The following METTL24 variants were observed in gnomAD, a reference collection of about 807,000 sequenced individuals.
METTL24 encodes methyltransferase like 24, also known as probable methyltransferase-like protein 24.
METTL24 carries 29 observed loss-of-function variants against 32.7 expected under a neutral mutation model. The observed-to-expected ratio is 0.89, with a 90% confidence interval of 0.66 to 1.21. The LOEUF is 1.21. Among genes scored for constraint, METTL24 ranks in the 50% most tolerant of loss-of-function variants. The pLI, the probability that METTL24 is intolerant of heterozygous loss-of-function variation, is 0.00. For synonymous variants in METTL24, 163 were observed against 179.5 expected, an observed-to-expected ratio of 0.91 and a Z score of 0.73; for missense variants, 439 against 468.1, an observed-to-expected ratio of 0.94 and a Z score of 0.57.
At chr6:110,276,230 T>G (rs1286952176) in intron 4 of METTL24, among the ~76,000 whole-genome samples, 1 of 152,170 alleles carries the variant, frequency 6.6e-6, no homozygotes, top group Non-Finnish European at 1.5e-5. Flanking sequence ...GCCAGGAGTT[T>G]GAGACCAGCC....
chr6:110,276,620 G>A lies in METTL24; in HGVS notation c.786+22302C>T, dbSNP rs113075918. The stretch of plus-strand genomic sequence containing the variant: ...TTGGAAGGCCTTTCAGAAGTCCCTT[G>A]GACTTTCTAGGCCACAAGATACCAC... On this transcript the variant is annotated intron_variant, in intron 4 of 4. Coordinates refer to ENST00000338882, the MANE Select transcript of METTL24 (RefSeq NM_001123364.3). Among the ~76,000 whole-genome samples, 682 of 152,268 alleles carry A rather than the reference G, an allele frequency of 4.5e-3. 8 individuals are homozygous for A. Among genetic ancestry groups the A allele is most frequent in the African/African-American group, 0.016 (662 of 41,546 alleles).
chr6:110,280,316 G>T lies in METTL24; in HGVS notation c.786+18606C>A, dbSNP rs116482548. Among the ~76,000 whole-genome samples the T allele has an allele frequency of 4.8e-3, 731 of 152,160 alleles. 2 individuals carry two copies. Among genetic ancestry groups the T allele is most frequent in the African/African-American group, 0.017 (700 of 41,500 alleles). On this transcript the variant is annotated intron_variant, in intron 4 of 4. Coordinates refer to ENST00000338882, the MANE Select transcript of METTL24 (RefSeq NM_001123364.3). Reference sequence around the variant, plus strand: ...CCCACTGTTTGGCCCTTTGCTTTGGGCCCTTAACGAATTATCTTGGATATT... The same window carrying T: ...CCCACTGTTTGGCCCTTTGCTTTGGTCCCTTAACGAATTATCTTGGATATT...
At chr6:110,320,953 T>G (rs1419775444) in intron 2 of METTL24, among the ~76,000 whole-genome samples, 1 of 151,926 alleles carries the variant, frequency 6.6e-6, no homozygotes, top group Non-Finnish European at 1.5e-5. Flanking sequence ...AAAAAAAAAT[T>G]TGGCCAGGCG....
intron 4 of METTL24, among the ~76,000 whole-genome samples, chr6:110,270,586 C>A (rs1770938762): frequency 6.6e-6 from 1 of 152,062 alleles, no homozygotes; most frequent in East Asian, 1.9e-4. Flanking sequence ...AATTTAGTTA[C>A]ATAGAATGAG....
chr6:110,262,990 A>T (rs545068533), intron 4 of METTL24, among the ~76,000 whole-genome samples: 2 of 152,292 alleles, frequency 1.3e-5, no homozygotes, highest in African/African-American at 4.8e-5. Flanking sequence ...AGAGCTATTA[A>T]TGACAAACCC....
intron 4 of METTL24, among the ~76,000 whole-genome samples, chr6:110,291,413 G>C (rs990749616): frequency 1.3e-5 from 2 of 152,104 alleles, no homozygotes; most frequent in African/African-American, 4.8e-5. Context: ...TTCCCATACA[G>C]ATAACCAGTT....
chr6:110,309,940 C>T (rs796260965), intron 3 of METTL24, among the ~76,000 whole-genome samples: 20 of 151,914 alleles, frequency 1.3e-4, no homozygotes, highest in African/African-American at 4.1e-4. Context: ...CAGATATGCA[C>T]GTATTACATA....
intron 4 of METTL24, among the ~76,000 whole-genome samples, chr6:110,282,471 G>A (rs114324242): frequency 1.3e-5 from 2 of 152,016 alleles, no homozygotes; most frequent in Admixed American, 6.6e-5. Flanking sequence ...AGTCTTTCAT[G>A]AAAGGTATCA....
At chr6:110,285,655 A>C (rs1042484355) in intron 4 of METTL24, among the ~76,000 whole-genome samples, 1 of 152,192 alleles carries the variant, frequency 6.6e-6, no homozygotes, top group African/African-American at 2.4e-5. Flanking sequence ...TCATAAAGGA[A>C]TTGCAGAGTG....
Position 110,299,203 on chromosome 6 carries a change from G to T in METTL24, c.558-53C>A. The T allele has an allele frequency of 2.6e-6, 4 of 1,517,062 alleles. No homozygotes were observed. The South Asian group carries it at 3.4e-5, about 13-fold the overall frequency. The allele number at this position is 1,517,062 out of a possible 1,614,324, so 94.0% of individuals were successfully genotyped here. ...AACAAAAAATGCAATGAAGCAAAGTGTTGGACTAACAAGATGACAGTTCCA... is the reference window on the plus strand; with the variant it reads ...AACAAAAAATGCAATGAAGCAAAGTTTTGGACTAACAAGATGACAGTTCCA... On this transcript the variant is annotated intron_variant, in intron 3 of 4. Transcript: ENST00000338882.
chr6:110,323,818 G>A (rs757489225), intron 1 of METTL24, among the ~76,000 whole-genome samples: 11 of 152,106 alleles, frequency 7.2e-5, no homozygotes, highest in African/African-American at 1.4e-4. Context: ...GGCTTTGGGC[G>A]TCATAGCATA....
intron 1 of METTL24, among the ~76,000 whole-genome samples, chr6:110,336,236 C>A (rs934404446): frequency 1.1e-4 from 17 of 152,184 alleles, no homozygotes; most frequent in Admixed American, 9.2e-4. Context: ...GGGGCAGGGG[C>A]CAGCCCGAGT....
At chr6:110,353,561 T>C (rs1215454299) in intron 1 of METTL24, among the ~76,000 whole-genome samples, 1 of 150,738 alleles carries the variant, frequency 6.6e-6, no homozygotes, top group Non-Finnish European at 1.5e-5. Context: ...TTTTTTTTTT[T>C]TTTTTTTCCG....
chr6:110,280,761 G>A (rs887377240), intron 4 of METTL24, among the ~76,000 whole-genome samples: 4 of 151,714 alleles, frequency 2.6e-5, no homozygotes, highest in Admixed American at 6.6e-5. Flanking sequence ...GGGTTCAAGC[G>A]ATCCTCTTGC....
intron 3 of METTL24, among the ~76,000 whole-genome samples, chr6:110,302,610 T>C (rs1324355988): frequency 1.6e-5 from 2 of 124,346 alleles, no homozygotes; most frequent in East Asian, 2.2e-4. Context: ...TACACACACA[T>C]ATGTGTATAT....
intron 1 of METTL24, among the ~76,000 whole-genome samples, chr6:110,346,906 C>T (rs1028626522): frequency 6.6e-6 from 1 of 152,080 alleles, no homozygotes; most frequent in African/African-American, 2.4e-5. Context: ...TATTAATCAT[C>T]GTTATATGTA....
At chr6:110,257,679 C>A (rs780519010) in intron 4 of METTL24, among the ~76,000 whole-genome samples, 1 of 152,186 alleles carries the variant, frequency 6.6e-6, no homozygotes, top group Non-Finnish European at 1.5e-5. Flanking sequence ...GCTGGTACAA[C>A]GACCACACTT....
intron 3 of METTL24, among the ~76,000 whole-genome samples, chr6:110,302,679 G>T (rs1234367741): frequency 1.4e-5 from 2 of 141,520 alleles, no homozygotes; most frequent in Non-Finnish European, 1.5e-5. Context: ...ACACATACAC[G>T]TGTGTATATA....
chr6:110,349,498 G>A (rs930852234), intron 1 of METTL24, among the ~76,000 whole-genome samples: 19 of 152,172 alleles, frequency 1.2e-4, no homozygotes, highest in Non-Finnish European at 1.6e-4. Context: ...TGAGTCCGGA[G>A]CATTGTTTGT....
Sources: gnomAD v4.1 joint callset for allele counts (sites outside exome capture counted in the v4.1 genomes callset) on GRCh38, gnomAD v4.1.1 for gene constraint, MANE v1.5 for transcripts, NCBI Gene and HGNC (gene_info 2026-07-23, HGNC 2026-07-21) for gene names.